The following LUZP2 variants were observed in gnomAD, a reference collection of about 807,000 sequenced individuals.
LUZP2 encodes leucine zipper protein 2.
Under a neutral mutation model 51.6 loss-of-function variants are expected in LUZP2, and 52 were observed. The observed-to-expected ratio is 1.01, with a 90% confidence interval of 0.81 to 1.27. The LOEUF (loss-of-function observed/expected upper bound fraction) is 1.27. LUZP2 is among the 50% of genes most tolerant of loss of function. The probability of loss-of-function intolerance (pLI) is 0.00; values close to 1 mark genes in which losing one functional copy is unlikely to be tolerated. For missense variants in LUZP2, 436 were observed against 395.4 expected (o/e 1.10, Z -0.87); for synonymous variants, 154 against 137.3 (o/e 1.12, Z -0.85).
At chr11:25,074,495 A>T (rs544912816) in intron 10 of LUZP2, among the ~76,000 whole-genome samples, 5 of 152,188 alleles carry the variant, frequency 3.3e-5, no homozygotes, top group Non-Finnish European at 7.3e-5. Flanking sequence ...AGTTTTCATT[A>T]TTCAGATGAT....
intron 9 of LUZP2, among the ~76,000 whole-genome samples, chr11:25,019,922 A>G (rs1479220066): frequency 6.6e-6 from 1 of 150,746 alleles, no homozygotes; most frequent in Non-Finnish European, 1.5e-5. Flanking sequence ...ATGTAGTGTC[A>G]TATACTTTAT....
At chr11:25,008,887 T>A (rs985014124) in intron 9 of LUZP2, among the ~76,000 whole-genome samples, 1 of 152,090 alleles carries the variant, frequency 6.6e-6, no homozygotes, top group African/African-American at 2.4e-5. Flanking sequence ...TACCATTCAA[T>A]TGGCTAAAAG....
chr11:24,885,028 C>T (rs1294471722), intron 5 of LUZP2, among the ~76,000 whole-genome samples: 3 of 152,052 alleles, frequency 2.0e-5, no homozygotes, highest in African/African-American at 7.2e-5. Context: ...GAAGCAGGTT[C>T]TGTTTCGAAG....
chr11:24,552,980 C>G (rs1851763601), intron 1 of LUZP2, among the ~76,000 whole-genome samples: 1 of 149,090 alleles, frequency 6.7e-6, no homozygotes, highest in Non-Finnish European at 1.5e-5. Flanking sequence ...AGAAAAATAC[C>G]TAATTAAAAT....
At chr11:24,930,297 T>C (rs1854409280) in intron 7 of LUZP2, among the ~76,000 whole-genome samples, 1 of 152,202 alleles carries the variant, frequency 6.6e-6, no homozygotes, top group African/African-American at 2.4e-5. Context: ...ATACGTTTTT[T>C]TTCATTGTGT....
chr11:24,983,091 T>C, intron 8 of LUZP2, 35 bp from the exon 9 acceptor site: 1 of 1,604,804 alleles, frequency 6.2e-7, no homozygotes, highest in Non-Finnish European at 8.5e-7. Flanking sequence ...TGAGCATAGC[T>C]AAATGTAAAT....
rs1565124723 is a variant in LUZP2, at chr11:24,764,489, C to CAAAAAAAAAAAAAAAAAAA, written c.396+1181_396+1182insAAAAAAAAAAAAAAAAAAA. Among the ~76,000 whole-genome samples, 28 of 56,412 alleles carry CAAAAAAAAAAAAAAAAAAA rather than the reference C, an allele frequency of 5.0e-4. 2 individuals are homozygous for CAAAAAAAAAAAAAAAAAAA. Among genetic ancestry groups the CAAAAAAAAAAAAAAAAAAA allele is most frequent in the East Asian group, 2.3e-3 (5 of 2,200 alleles). 37.0% of individuals were successfully genotyped at this position (56,412 alleles called of 152,430 possible). On this transcript the variant is annotated intron_variant, in intron 5 of 11. Transcript: ENST00000336930. ...TGGACAACATGGTAAAATCTCATCT[C>CAAAAAAAAAAAAAAAAAAA]TAAAAAAAAAAAAAAAAAAAAAAAA... is the stretch of plus-strand genomic sequence containing the variant.
In LUZP2 at chr11:24,797,360, G is replaced by T. The variant is rs187734098; in HGVS notation, c.396+34052G>T. The stretch of plus-strand genomic sequence containing the variant: ...ATGTGATGCCAGGAAGATGATGAAG[G>T]CAATAACCTTTTCTTGAATACCTAA... On this transcript the variant is annotated intron_variant, in intron 5 of 11. Coordinates refer to ENST00000336930, the MANE Select transcript of LUZP2 (RefSeq NM_001009909.4). 2.9e-4 allele frequency among the ~76,000 whole-genome samples: 44 copies of T among 152,252 alleles called. No homozygotes were observed. In the East Asian group the frequency reaches 6.0e-3, roughly 21 times the overall value.
At position 24,738,215 on chromosome 11, in the gene LUZP2, A is replaced by C. The variant is rs1425621025; in HGVS notation, c.252-6A>C. On this transcript the variant is annotated splice_polypyrimidine_tract_variant and splice_region_variant and intron_variant, in intron 3 of 11. Coordinates refer to ENST00000336930, the MANE Select transcript of LUZP2 (RefSeq NM_001009909.4). ...CTCACTTATGCTCTGTTTTCTACTA[A>C]AATAGAGAAGAAATGAAGTCTCTTC... is the stretch of plus-strand genomic sequence containing the variant. 6.3e-7 allele frequency: 1 copy of C among 1,587,554 alleles called. No individual in the cohort carries two copies. Among genetic ancestry groups the C allele is most frequent in the South Asian group, 1.1e-5 (1 of 89,592 alleles).
At chr11:24,939,547 G>C (rs1212448590) in intron 7 of LUZP2, among the ~76,000 whole-genome samples, 1 of 151,444 alleles carries the variant, frequency 6.6e-6, no homozygotes, top group Non-Finnish European at 1.5e-5. Flanking sequence ...AATATTCATA[G>C]GAAGGAAGGA....
At chr11:24,555,369 T>C (rs1187075645) in intron 1 of LUZP2, among the ~76,000 whole-genome samples, 19 of 152,148 alleles carry the variant, frequency 1.2e-4, no homozygotes, top group Non-Finnish European at 1.5e-5. Flanking sequence ...AATATGCTTG[T>C]TGTTTCTGTG....
intron 4 of LUZP2, among the ~76,000 whole-genome samples, chr11:24,755,983 AAG>A (rs549194031): frequency 1.7e-4 from 26 of 152,134 alleles, no homozygotes; most frequent in Non-Finnish European, 3.2e-4. Flanking sequence ...AAGGCCTGAT[AAG>A]AGACGTTTGC....
intron 1 of LUZP2, among the ~76,000 whole-genome samples, chr11:24,725,539 T>G (rs1281062036): frequency 6.6e-6 from 1 of 151,912 alleles, no homozygotes; most frequent in Non-Finnish European, 1.5e-5. Flanking sequence ...AACCTAAGAA[T>G]AGTCCAGATG....
chr11:24,540,763 C>T (rs1851331714), intron 1 of LUZP2, among the ~76,000 whole-genome samples: 1 of 151,992 alleles, frequency 6.6e-6, no homozygotes, highest in African/African-American at 2.4e-5. Flanking sequence ...ATTATTCAGC[C>T]ACCAGCAGTA....
At chr11:24,997,733 T>C (rs1198375598) in intron 9 of LUZP2, among the ~76,000 whole-genome samples, 2 of 152,152 alleles carry the variant, frequency 1.3e-5, no homozygotes, top group Non-Finnish European at 2.9e-5. Context: ...GGTTTTCTTC[T>C]AGGGTTTTTA....
At chr11:24,499,747 A>G (rs577178972) in intron 1 of LUZP2, among the ~76,000 whole-genome samples, 1 of 151,268 alleles carries the variant, frequency 6.6e-6, no homozygotes, top group Non-Finnish European at 1.5e-5. Flanking sequence ...TAGGGAATGC[A>G]GAGCGGAGAC....
At chr11:24,615,415 C>T (rs61604821) in intron 1 of LUZP2, among the ~76,000 whole-genome samples, 1 of 151,810 alleles carries the variant, frequency 6.6e-6, no homozygotes, top group African/African-American at 2.4e-5. Context: ...AGTATGTAAG[C>T]TTTTGAATTT....
chr11:24,996,960 A>G (rs1856521751), intron 9 of LUZP2, among the ~76,000 whole-genome samples: 1 of 150,850 alleles, frequency 6.6e-6, no homozygotes, highest in Non-Finnish European at 1.5e-5. Context: ...ATCATTTTTT[A>G]TGGCTGCATA....
chr11:24,669,229 A>G (rs966148692), intron 1 of LUZP2, among the ~76,000 whole-genome samples: 6 of 152,192 alleles, frequency 3.9e-5, no homozygotes, highest in African/African-American at 9.6e-5. Flanking sequence ...AGGTTTATCC[A>G]GAAGTGAAAT....
Sources: allele counts gnomAD v4.1 joint callset (sites outside exome capture counted in the v4.1 genomes callset), GRCh38; gene constraint gnomAD v4.1.1; transcripts MANE v1.5; gene names NCBI Gene and HGNC (gene_info 2026-07-23, HGNC 2026-07-21).